The following MARCHF5 variants were observed in gnomAD, a reference collection of about 807,000 sequenced individuals.
MARCHF5 encodes membrane associated ring-CH-type finger 5.
Under a neutral mutation model 36.5 loss-of-function variants are expected in MARCHF5, and 5 were observed. The observed-to-expected ratio is 0.14, with a 90% CI of 0.07 to 0.29. The LOEUF (loss-of-function observed/expected upper bound fraction) is 0.29, where lower values mean the gene tolerates loss of function less well. Ranked by LOEUF, MARCHF5 falls within the 10% of genes least tolerant of loss-of-function variation. MARCHF5 has a pLI of 1.00. For synonymous variants in MARCHF5, 103 were observed against 109.9 expected (o/e 0.94, Z 0.39); for missense variants, 179 against 336.3 (o/e 0.53, Z 3.66).
At chr10:92,334,534 C>T (rs1314020394) in intron 2 of MARCHF5, 1 of 152,284 alleles carries the variant, frequency 6.6e-6, no homozygotes. Context: ...GTTTCTTCTC[C>T]ACTCCAACAG....
intron 2 of MARCHF5, among the ~76,000 whole-genome samples, chr10:92,339,261 C>A (rs1368202604): frequency 1.4e-5 from 2 of 147,512 alleles, no homozygotes; most frequent in Admixed American, 6.8e-5. Flanking sequence ...TCCCAGCTAC[C>A]TGGGAGGCTG....
chr10:92,345,196 T>G (rs1843627168), intron 3 of MARCHF5, among the ~76,000 whole-genome samples: 1 of 152,078 alleles, frequency 6.6e-6, no homozygotes, highest in African/African-American at 2.4e-5. Context: ...ACCCTGTTAT[T>G]TCATCACTGT....
chr10:92,349,952 C>A, intron 5 of MARCHF5, 115 bp downstream of exon 5: 1 of 788,004 alleles, frequency 1.3e-6, no homozygotes, highest in Non-Finnish European at 2.0e-6. Flanking sequence ...TGCATTAAGC[C>A]TCTATTTGAG....
intron 1 of MARCHF5, among the ~76,000 whole-genome samples, chr10:92,305,706 G>A (rs1484401648): frequency 6.6e-6 from 1 of 152,228 alleles, no homozygotes; most frequent in Non-Finnish European, 1.5e-5. Flanking sequence ...AGTTTGGTCA[G>A]AAATTACAAC....
At chr10:92,328,847 T>C (rs1021329250) in intron 2 of MARCHF5, among the ~76,000 whole-genome samples, 2 of 147,028 alleles carry the variant, frequency 1.4e-5, no homozygotes, top group African/African-American at 2.5e-5. Context: ...CAGGAATATC[T>C]GATAGATAGT....
intron 2 of MARCHF5, among the ~76,000 whole-genome samples, chr10:92,330,939 T>A (rs1843428533): frequency 6.6e-6 from 1 of 152,182 alleles, no homozygotes; most frequent in Non-Finnish European, 1.5e-5. Flanking sequence ...AACCTTCTCA[T>A]ATACAGGGAA....
rs61760883 is a variant in MARCHF5 at position 92,340,677 on chromosome 10, A to G, written c.243A>G (p.Pro81=). 11 of 1,608,918 alleles carry G rather than the reference A, an allele frequency of 6.8e-6. No homozygotes were observed. The South Asian group carries it at 1.0e-4, about 15-fold the overall frequency. The part of the protein sequence containing the change: ...EYLIVFPKLG[P]VVYVLDLADR... ...CTTCTTTTCTGTGTGTTATAGGTCC[A>G]GTGGTTTACGTCTTGGATCTTGCAG... Residue 81 remains proline (P), a synonymous_variant, in exon 3 of 6, where the codon CCA becomes CCG. Coordinates refer to ENST00000358935, the MANE Select transcript of MARCHF5 (RefSeq NM_017824.5).
intron 1 of MARCHF5, among the ~76,000 whole-genome samples, chr10:92,309,697 G>T (rs1317818133): frequency 6.6e-6 from 1 of 151,556 alleles, no homozygotes; most frequent in Non-Finnish European, 1.5e-5. Flanking sequence ...AAAAATCATA[G>T]GTTAGAACCC....
intron 2 of MARCHF5, among the ~76,000 whole-genome samples, chr10:92,330,272 G>T (rs1465319371): frequency 6.6e-6 from 1 of 152,146 alleles, no homozygotes; most frequent in Non-Finnish European, 1.5e-5. Flanking sequence ...AGTCTTAAAA[G>T]TAGATTAGTT....
rs542919134 is a variant in MARCHF5 at position 92,339,302 on chromosome 10, G to A, written c.239-1371G>A. Among the ~76,000 whole-genome samples the A allele has an allele frequency of 2.9e-4, 44 of 152,268 alleles. No individual in the cohort carries two copies. In the South Asian group the frequency reaches 3.9e-3, roughly 14 times the overall value. On this transcript the variant is annotated intron_variant, in intron 2 of 5. Transcript: ENST00000358935. The stretch of plus-strand genomic sequence containing the variant: ...GGAGGATCACTTGAGCCCAGGAGGC[G>A]GAGGGTGCAGTGAACCAAGATCCCA...
At chr10:92,326,557 C>T (rs1425182134) in intron 2 of MARCHF5, among the ~76,000 whole-genome samples, 1 of 152,178 alleles carries the variant, frequency 6.6e-6, no homozygotes, top group Non-Finnish European at 1.5e-5. Context: ...ATTTGAGAGA[C>T]TGTTAATAAA....
chr10:92,351,042 G>A (rs759449785), intron 5 of MARCHF5, 49 bp from the exon 6 acceptor site: 4 of 1,002,724 alleles, frequency 4.0e-6, no homozygotes, highest in East Asian at 2.4e-5. Flanking sequence ...TTATTACTCT[G>A]TTTCTCTAAA....
Position 92,297,742 on chromosome 10 carries a change from G to A in MARCHF5, c.35+6213G>A, listed in dbSNP as rs1190858825. ...CCCGACCTCGTGATCCACCTGCCTC[G>A]GCCTCCCAAAGTGCTGGGATTTCAG... On this transcript the variant is annotated intron_variant, in intron 1 of 5. Coordinates refer to ENST00000358935, the MANE Select transcript of MARCHF5 (RefSeq NM_017824.5). 3.3e-5 allele frequency among the ~76,000 whole-genome samples: 5 copies of A among 151,696 alleles called. No homozygotes were observed. In the South Asian group the frequency reaches 6.3e-4, roughly 19 times the overall value.
rs138095091 is a variant in MARCHF5, at chr10:92,322,778, G to A, written c.238+11441G>A. 2.1e-3 allele frequency among the ~76,000 whole-genome samples: 320 copies of A among 149,690 alleles called. 3 individuals carry two copies. The highest frequency in any genetic ancestry group is 7.7e-3 in the African/African-American group (311 of 40,400). On this transcript the variant is annotated intron_variant, in intron 2 of 5. Coordinates refer to ENST00000358935, the MANE Select transcript of MARCHF5 (RefSeq NM_017824.5). The stretch of plus-strand genomic sequence containing the variant: ...TTTTGAGATGGAGTGTCGCCCTGTC[G>A]CCAGGCTGGAGTGCAGTGGCATGAT...
chr10:92,304,429 T>G (rs995229665), intron 1 of MARCHF5, among the ~76,000 whole-genome samples: 1 of 152,190 alleles, frequency 6.6e-6, no homozygotes, highest in Non-Finnish European at 1.5e-5. Context: ...GGGTTCCTTC[T>G]CAGAATGTTT....
rs1353644859 is a variant in MARCHF5, at chr10:92,353,910, T to C, written c.*2703T>C. Reference sequence around the variant, plus strand: ...TTTTTTAAACGTCTTGTTTTTAATATAGCAAACTATCTCAATACTGGCTGG... The same window carrying C: ...TTTTTTAAACGTCTTGTTTTTAATACAGCAAACTATCTCAATACTGGCTGG... On this transcript the variant is annotated 3_prime_UTR_variant, in exon 6 of 6. Transcript: ENST00000358935. 6.6e-6 allele frequency: 1 copy of C among 152,650 alleles called. No individual in the cohort carries two copies. The highest frequency in any genetic ancestry group is 2.4e-5 in the African/African-American group (1 of 41,446). The allele number at this position is 152,650 out of a possible 1,614,324, so 9.5% of individuals were successfully genotyped here.
intron 2 of MARCHF5, among the ~76,000 whole-genome samples, chr10:92,323,408 T>C (rs1285903068): frequency 6.6e-6 from 1 of 152,192 alleles, no homozygotes; most frequent in Non-Finnish European, 1.5e-5. Context: ...AGAGTGTCCA[T>C]AGTTTACATT....
intron 1 of MARCHF5, among the ~76,000 whole-genome samples, chr10:92,299,731 A>G (rs964659884): frequency 6.6e-6 from 1 of 151,782 alleles, no homozygotes; most frequent in African/African-American, 2.4e-5. Flanking sequence ...TCCCTATCCT[A>G]TTTTCCCACA....
At chr10:92,292,108 G>A (rs1262125586) in intron 1 of MARCHF5, among the ~76,000 whole-genome samples, 1 of 151,126 alleles carries the variant, frequency 6.6e-6, no homozygotes, top group East Asian at 2.0e-4. Context: ...CAGAGTAGAG[G>A]TTATGGAAAA....
Sources: gnomAD v4.1 joint callset for allele counts (sites outside exome capture counted in the v4.1 genomes callset) on GRCh38, gnomAD v4.1.1 for gene constraint, MANE v1.5 for transcripts, NCBI Gene and HGNC (gene_info 2026-07-23, HGNC 2026-07-21) for gene names.